The following HSDL2 variants were observed in gnomAD, a reference collection of about 807,000 sequenced individuals.
HSDL2 encodes the protein hydroxysteroid dehydrogenase-like protein 2.
HSDL2 carries 27 observed loss-of-function variants against 46.3 expected under a neutral mutation model. The ratio of observed to expected loss-of-function variants is 0.58; its 90% CI spans 0.43 to 0.80. HSDL2 has a LOEUF of 0.80. Among genes scored for constraint, HSDL2 ranks in the 30% least tolerant of loss-of-function variants. The pLI, the probability that HSDL2 is intolerant of heterozygous loss-of-function variation, is 0.00. For missense variants in HSDL2, 451 were observed against 502.7 expected (o/e 0.90, Z 0.98); for synonymous variants, 153 against 163.6 (o/e 0.94, Z 0.50).
At chr9:112,419,686 T>A (rs1337823893) in intron 6 of HSDL2, among the ~76,000 whole-genome samples, 1 of 152,248 alleles carries the variant, frequency 6.6e-6, no homozygotes, top group Admixed American at 6.5e-5. Flanking sequence ...CTTGTCTTTT[T>A]CCTTTAGAAA....
At chr9:112,470,275 T>A (rs1164247063) in intron 10 of HSDL2, among the ~76,000 whole-genome samples, 157 bp from the exon 11 acceptor site, 1 of 152,234 alleles carries the variant, frequency 6.6e-6, no homozygotes, top group African/African-American at 2.4e-5. Context: ...GGAATTGGGA[T>A]TCCCAAGATA....
At position 112,418,859 on chromosome 9, in the gene HSDL2, G is replaced by T; in HGVS notation, c.500-1G>T. 1 of 1,552,244 alleles carries T rather than the reference G, an allele frequency of 6.4e-7. No homozygotes were observed. The highest frequency in any genetic ancestry group is 1.1e-5 in the South Asian group (1 of 87,120). ...ATTATTATTTTTTGTGGTTCTTTCA[G>T]CTTATACCATTGCTAAGTATGGTAT... On this transcript the variant is annotated splice_acceptor_variant, in intron 5 of 10. Transcript: ENST00000398805. LOFTEE classifies it high-confidence loss of function.
chr9:112,441,240 T>A (rs1474027941), intron 7 of HSDL2, among the ~76,000 whole-genome samples: 1 of 152,028 alleles, frequency 6.6e-6, no homozygotes, highest in African/African-American at 2.4e-5. Flanking sequence ...TGGAATAGGA[T>A]AGCTTAGTGT....
chr9:112,413,550 G>T (rs573288908), intron 4 of HSDL2, among the ~76,000 whole-genome samples: 1 of 151,912 alleles, frequency 6.6e-6, no homozygotes, highest in East Asian at 1.9e-4. Context: ...TACTTCCCTG[G>T]TAACTCACAG....
chr9:112,439,865 A>G (rs1832603431), intron 7 of HSDL2, among the ~76,000 whole-genome samples: 1 of 152,270 alleles, frequency 6.6e-6, no homozygotes, highest in South Asian at 2.1e-4. Context: ...CATGTCACCC[A>G]GTTTGTCTGT....
At position 112,471,087 on chromosome 9, in the gene HSDL2, C is replaced by G. The variant is rs1833564004; in HGVS notation, c.*543C>G. 1 of 152,134 alleles carries G rather than the reference C, an allele frequency of 6.6e-6. No individual in the cohort carries two copies. Among genetic ancestry groups the G allele is most frequent in the Non-Finnish European group, 1.5e-5 (1 of 68,042 alleles). 9.4% of individuals were successfully genotyped at this position (152,134 alleles called of 1,614,324 possible). A position where few individuals can be genotyped will look rare whatever the true frequency, so the allele number is the denominator to read the frequency against. On this transcript the variant is annotated 3_prime_UTR_variant, in exon 11 of 11. Coordinates refer to ENST00000398805, the MANE Select transcript of HSDL2 (RefSeq NM_032303.5). ...ATTTTTCATTTTGATAACTAGCTTT[C>G]CAGGTGGACTTAGCCATAGGAAAAT...
At chr9:112,416,510 C>A (rs1453725479) in intron 4 of HSDL2, among the ~76,000 whole-genome samples, 1 of 150,310 alleles carries the variant, frequency 6.7e-6, no homozygotes, top group Non-Finnish European at 1.5e-5. Context: ...CCTGGCACTT[C>A]GGGAGTCTGA....
At chr9:112,444,834 G>GTTTTTTTT in intron 8 of HSDL2, among the ~76,000 whole-genome samples, 3 of 79,624 alleles carry the variant, frequency 3.8e-5, no homozygotes, top group South Asian at 5.0e-4. Context: ...ACTCAGTCTT[G>GTTTTTTTT]TTTTTTTTTT....
intron 6 of HSDL2, 63 bp downstream of exon 6, chr9:112,419,021 A>C: frequency 1.1e-6 from 1 of 876,792 alleles, no homozygotes. Context: ...ACTTATTATT[A>C]TTTTTTGACA....
chr9:112,454,289 T>G, intron 9 of HSDL2, 127 bp downstream of exon 9: 2 of 681,628 alleles, frequency 2.9e-6, no homozygotes, highest in Non-Finnish European at 4.9e-6. Context: ...TACTCTTGAA[T>G]GTAGACATTC....
chr9:112,448,506 CTCTTTCTTTCTTTCCTCCTT>C (rs1175892588), intron 8 of HSDL2, among the ~76,000 whole-genome samples: 10 of 143,924 alleles, frequency 6.9e-5, no homozygotes, highest in South Asian at 2.3e-4. Flanking sequence ...TTTCTTTCAC[CTCTTTCTTTCTTTCCTCCTT>C]TCTTTCTTTC....
At chr9:112,401,272 G>A (rs1316516098) in intron 1 of HSDL2, among the ~76,000 whole-genome samples, 2 of 151,988 alleles carry the variant, frequency 1.3e-5, no homozygotes, top group African/African-American at 2.4e-5. Context: ...CAACCTGGGT[G>A]ACATAGTGAG....
intron 9 of HSDL2, among the ~76,000 whole-genome samples, chr9:112,457,339 T>G (rs7862037): frequency 0.81 from 123,818 of 152,114 alleles, 50,897 homozygotes; most frequent in African/African-American, 0.91. Flanking sequence ...GTGAAGGAGC[T>G]GAGATGAACC....
rs527370049 is a variant in HSDL2 at position 112,457,182 on chromosome 9, G to A, written c.1016-2267G>A. On this transcript the variant is annotated intron_variant, in intron 9 of 10. Transcript: ENST00000398805. ...AAGAAAAAAAAATGGAGGAAATCAA[G>A]CGCTTTCTGCTCAGATCCAGGCAAG... is the stretch of plus-strand genomic sequence containing the variant. Among the ~76,000 whole-genome samples, 3 of 152,022 alleles carry A rather than the reference G, an allele frequency of 2.0e-5. No homozygotes were observed. The South Asian group carries it at 6.2e-4, about 32-fold the overall frequency.
chr9:112,417,477 T>TAAAAAAAAAAA (rs71491043), intron 5 of HSDL2, among the ~76,000 whole-genome samples: 2 of 111,120 alleles, frequency 1.8e-5, no homozygotes, highest in Non-Finnish European at 1.8e-5. Flanking sequence ...ACCCTGACTC[T>TAAAAAAAAAAA]AAAAAAAAAA....
chr9:112,438,241 C>T (rs1832568711), intron 6 of HSDL2, among the ~76,000 whole-genome samples, 190 bp from the exon 7 acceptor site: 1 of 151,898 alleles, frequency 6.6e-6, no homozygotes, highest in Admixed American at 6.6e-5. Flanking sequence ...GTCTCAAAAA[C>T]AAAAATAAAA....
At chr9:112,426,832 A>G (rs886244558) in intron 6 of HSDL2, among the ~76,000 whole-genome samples, 3 of 152,314 alleles carry the variant, frequency 2.0e-5, no homozygotes, top group Admixed American at 1.3e-4. Context: ...AATAACCTCT[A>G]AAGCCCTTTG....
chr9:112,431,105 ACT>A (rs912530870), intron 6 of HSDL2, among the ~76,000 whole-genome samples: 1 of 151,668 alleles, frequency 6.6e-6, no homozygotes, highest in Non-Finnish European at 1.5e-5. Flanking sequence ...GGCTTGAGTT[ACT>A]AGAACAGTGG....
chr9:112,387,175 A>G (rs1831235637), intron 1 of HSDL2, among the ~76,000 whole-genome samples: 1 of 152,032 alleles, frequency 6.6e-6, no homozygotes, highest in South Asian at 2.1e-4. Context: ...GTAAATACTG[A>G]AGTATTCATA....
Sources: gnomAD v4.1 joint callset for allele counts (sites outside exome capture counted in the v4.1 genomes callset) on GRCh38, gnomAD v4.1.1 for gene constraint, MANE v1.5 for transcripts, NCBI Gene and HGNC (gene_info 2026-07-23, HGNC 2026-07-21) for gene names.